SLC25A21: variants seen among roughly 807,000 people sequenced by gnomAD.
SLC25A21 encodes solute carrier family 25 member 21, also known as mitochondrial 2-oxodicarboxylate carrier.
Under a neutral mutation model 43.8 loss-of-function variants are expected in SLC25A21, and 47 were observed. The ratio of observed to expected loss-of-function variants is 1.07; its 90% CI spans 0.85 to 1.37. The LOEUF is 1.37. Among genes scored for constraint, SLC25A21 ranks in the 40% most tolerant of loss-of-function variants. The pLI, the probability that SLC25A21 is intolerant of heterozygous loss-of-function variation, is 0.00. For missense variants in SLC25A21, 352 were observed against 350.2 expected (o/e 1.00, Z -0.04); for synonymous variants, 131 against 121.3 (o/e 1.08, Z -0.52).
chr14:37,013,453 A>G (rs1443511876), intron 1 of SLC25A21, among the ~76,000 whole-genome samples: 3 of 152,178 alleles, frequency 2.0e-5, no homozygotes, highest in Admixed American at 1.3e-4. Context: ...AAAACGCTTC[A>G]TCAGTTTTCT....
intron 2 of SLC25A21, among the ~76,000 whole-genome samples, chr14:36,856,378 G>C (rs1381594587): frequency 6.6e-6 from 1 of 152,132 alleles, no homozygotes; most frequent in Non-Finnish European, 1.5e-5. Flanking sequence ...GGCCAGTCCT[G>C]ATCTGGATCT....
intron 2 of SLC25A21, among the ~76,000 whole-genome samples, chr14:36,840,004 G>A (rs971521263): frequency 6.6e-6 from 1 of 152,166 alleles, no homozygotes; most frequent in African/African-American, 2.4e-5. Flanking sequence ...CTTCTGGGAG[G>A]TGGTCAAAAG....
At chr14:36,989,635 T>C (rs138259511) in intron 1 of SLC25A21, among the ~76,000 whole-genome samples, 58 of 152,184 alleles carry the variant, frequency 3.8e-4, no homozygotes, top group African/African-American at 1.4e-3. Context: ...TGCCTACCCA[T>C]ACAAAAATGC....
chr14:36,845,961 G>A (rs1259045010), intron 2 of SLC25A21, among the ~76,000 whole-genome samples: 1 of 152,126 alleles, frequency 6.6e-6, no homozygotes, highest in Non-Finnish European at 1.5e-5. Context: ...TTTGTTTGAG[G>A]GAAATAAAAG....
At chr14:37,029,763 T>C (rs1456905681) in intron 1 of SLC25A21, among the ~76,000 whole-genome samples, 4 of 141,126 alleles carry the variant, frequency 2.8e-5, no homozygotes, top group African/African-American at 8.5e-5. Flanking sequence ...GCCGACTTTT[T>C]TTTTTTTTTT....
intron 1 of SLC25A21, among the ~76,000 whole-genome samples, chr14:37,000,172 C>A (rs1305075612): frequency 6.6e-6 from 1 of 152,122 alleles, no homozygotes; most frequent in African/African-American, 2.4e-5. Flanking sequence ...TCTCTCATAT[C>A]TTCATTCAAT....
At chr14:36,779,545 A>ATGTT (rs1886966771) in intron 3 of SLC25A21, among the ~76,000 whole-genome samples, 1 of 135,358 alleles carries the variant, frequency 7.4e-6, no homozygotes, top group African/African-American at 2.6e-5. Flanking sequence ...AAGAATAAAC[A>ATGTT]TATTCTTATA....
At chr14:36,892,406 G>A (rs1891096054) in intron 1 of SLC25A21, among the ~76,000 whole-genome samples, 1 of 152,094 alleles carries the variant, frequency 6.6e-6, no homozygotes, top group South Asian at 2.1e-4. Context: ...AACGGATACA[G>A]GAAATGTGGT....
chr14:36,734,371 A>G, intron 4 of SLC25A21, 136 bp downstream of exon 4: 2 of 572,878 alleles, frequency 3.5e-6, no homozygotes, highest in Non-Finnish European at 5.9e-6. Flanking sequence ...TAATTATAAT[A>G]AAAATTATGC....
chr14:37,103,992 C>A (rs1962865500), intron 1 of SLC25A21, among the ~76,000 whole-genome samples: 1 of 152,192 alleles, frequency 6.6e-6, no homozygotes, highest in African/African-American at 2.4e-5. Flanking sequence ...AGGACCATTT[C>A]TGTGCTTCCC....
intron 7 of SLC25A21, among the ~76,000 whole-genome samples, chr14:36,701,579 T>C (rs1883278522): frequency 6.6e-6 from 1 of 152,146 alleles, no homozygotes; most frequent in Admixed American, 6.5e-5. Flanking sequence ...GCTCAAATTA[T>C]AAAATATACA....
chr14:37,040,383 GAAAGAA>G (rs1594765183), intron 1 of SLC25A21, among the ~76,000 whole-genome samples: 1 of 62,260 alleles, frequency 1.6e-5, no homozygotes, highest in Non-Finnish European at 2.8e-5. Flanking sequence ...GAGAAAGAAA[GAAAGAA>G]AGAAAGAAAG....
rs557270009 is a variant in SLC25A21, at chr14:37,108,871, C to T, written c.70+63410G>A. Among the ~76,000 whole-genome samples the T allele has an allele frequency of 1.9e-4, 29 of 151,930 alleles. No individual in the cohort carries two copies. The South Asian group carries it at 5.6e-3, about 29-fold the overall frequency. ...TTCTTTTTATCTTCTTGTACCTTTCCTCAGTTTTCAATTTTCTGTTCCCTG... is the reference window on the plus strand; with the variant it reads ...TTCTTTTTATCTTCTTGTACCTTTCTTCAGTTTTCAATTTTCTGTTCCCTG... On this transcript the variant is annotated intron_variant, in intron 1 of 9. Coordinates refer to ENST00000331299, the MANE Select transcript of SLC25A21 (RefSeq NM_030631.4).
At chr14:36,749,109 CTGTTTTCTGTACCTGTCTTA>C (rs1885608213) in intron 3 of SLC25A21, among the ~76,000 whole-genome samples, 2 of 152,188 alleles carry the variant, frequency 1.3e-5, no homozygotes, top group African/African-American at 2.4e-5. Context: ...ACCAATCTGG[CTGTTTTCTGTACCTGTCTTA>C]TGTTTTCTGT....
intron 6 of SLC25A21, among the ~76,000 whole-genome samples, chr14:36,714,332 C>T (rs914524940): frequency 1.3e-5 from 2 of 152,176 alleles, no homozygotes; most frequent in East Asian, 1.9e-4. Flanking sequence ...ATAAAGTCCA[C>T]CAGAAATGCA....
rs1354918280 is a variant in SLC25A21 at position 36,850,565 on chromosome 14, T to G, written c.119+24391A>C. ...CACTTAATCAGACCTCAGATTTGAC[T>G]GTCTTTTCTTTCAGTCTTTCAAAAA... On this transcript the variant is annotated intron_variant, in intron 2 of 9. Coordinates refer to ENST00000331299, the MANE Select transcript of SLC25A21 (RefSeq NM_030631.4). Among the ~76,000 whole-genome samples the G allele has an allele frequency of 3.3e-5, 5 of 152,208 alleles. No homozygotes were observed. In the East Asian group the frequency reaches 5.8e-4, roughly 18 times the overall value.
chr14:36,930,168 C>T (rs1310632975), intron 1 of SLC25A21, among the ~76,000 whole-genome samples: 2 of 152,148 alleles, frequency 1.3e-5, no homozygotes, highest in African/African-American at 4.8e-5. Context: ...CAAGTGAGAA[C>T]TGCCTTGCTG....
At chr14:36,724,433 C>T (rs917512627) in intron 6 of SLC25A21, among the ~76,000 whole-genome samples, 1 of 152,198 alleles carries the variant, frequency 6.6e-6, no homozygotes, top group African/African-American at 2.4e-5. Context: ...TTAGCAGCTG[C>T]TTATGCAGTA....
intron 2 of SLC25A21, among the ~76,000 whole-genome samples, chr14:36,833,321 C>A (rs1346096168): frequency 6.6e-6 from 1 of 152,172 alleles, no homozygotes; most frequent in Non-Finnish European, 1.5e-5. Context: ...AGGAAGGCAG[C>A]TTCTGGGGCA....
Sources: gnomAD v4.1 joint callset for allele counts (sites outside exome capture counted in the v4.1 genomes callset) on GRCh38, gnomAD v4.1.1 for gene constraint, MANE v1.5 for transcripts, NCBI Gene and HGNC (gene_info 2026-07-23, HGNC 2026-07-21) for gene names.